Variants in ARHGEF28 observed in about 807,000 individuals in gnomAD.
ARHGEF28 encodes the protein Rho guanine nucleotide exchange factor 28.
A neutral mutation model predicts 206.6 loss-of-function variants in ARHGEF28; 152 were observed. The observed-to-expected ratio is 0.74, with a 90% CI of 0.64 to 0.84. ARHGEF28 has a LOEUF of 0.84. ARHGEF28 is among the 40% of genes least tolerant of loss of function. The pLI is 0.00. For missense variants in ARHGEF28, 2,028 were observed against 2,073.2 expected, an observed-to-expected ratio of 0.98 and a Z score of 0.42; for synonymous variants, 763 against 776.4, an observed-to-expected ratio of 0.98 and a Z score of 0.29.
intron 16 of ARHGEF28, among the ~76,000 whole-genome samples, chr5:73,863,682 A>G (rs1011527200): frequency 2.0e-5 from 3 of 149,320 alleles, no homozygotes; most frequent in East Asian, 2.0e-4. Flanking sequence ...TTTCTTTCCT[A>G]TTTCTGGATC....
intron 30 of ARHGEF28, chr5:73,900,852 T>G: frequency 5.3e-6 from 1 of 189,592 alleles, no homozygotes; most frequent in Admixed American, 5.6e-5. Flanking sequence ...CCAGGAGGCA[T>G]TTTCCTATTA....
chr5:73,752,788 C>T (rs909134161), intron 3 of ARHGEF28, 121 bp from the exon 4 acceptor site: 3 of 1,162,672 alleles, frequency 2.6e-6, no homozygotes, highest in Non-Finnish European at 3.6e-6. Context: ...GCTTTCCTTT[C>T]TGCTTTGTTC....
At chr5:73,723,583 G>T (rs1370262515) in intron 2 of ARHGEF28, among the ~76,000 whole-genome samples, 3 of 152,192 alleles carry the variant, frequency 2.0e-5, no homozygotes, top group African/African-American at 7.2e-5. Flanking sequence ...ACAAAGATCA[G>T]TTAAGGTTTA....
chr5:73,701,761 A>G (rs2112287489), intron 2 of ARHGEF28, among the ~76,000 whole-genome samples: 1 of 152,302 alleles, frequency 6.6e-6, no homozygotes, highest in Non-Finnish European at 1.5e-5. Flanking sequence ...AATGCCCTTA[A>G]GAAACAACCA....
At chr5:73,896,746 C>T (rs1002160522) in intron 29 of ARHGEF28, among the ~76,000 whole-genome samples, 14 of 152,208 alleles carry the variant, frequency 9.2e-5, no homozygotes, top group African/African-American at 2.4e-4. Flanking sequence ...TGAAATAAAT[C>T]GCCCACTCTC....
chr5:73,905,065 T>A (rs549539474), intron 33 of ARHGEF28: 1 of 152,462 alleles, frequency 6.6e-6, no homozygotes, highest in South Asian at 2.1e-4. Context: ...TGCAGAGTGT[T>A]ACCTGTCTGG....
At chr5:73,759,311 C>T (rs1056276254) in intron 4 of ARHGEF28, among the ~76,000 whole-genome samples, 3 of 152,142 alleles carry the variant, frequency 2.0e-5, no homozygotes, top group East Asian at 3.8e-4. Flanking sequence ...AAGTACAAGT[C>T]ACAGCATAAT....
chr5:73,887,934 T>C (rs1468024601), intron 26 of ARHGEF28, among the ~76,000 whole-genome samples: 1 of 152,222 alleles, frequency 6.6e-6, no homozygotes, highest in East Asian at 1.9e-4. Flanking sequence ...GTGAGAATAT[T>C]GCAGTCCTTC....
chr5:73,681,545 T>C (rs1248524310), intron 1 of ARHGEF28, among the ~76,000 whole-genome samples: 2 of 152,196 alleles, frequency 1.3e-5, no homozygotes, highest in African/African-American at 2.4e-5. Context: ...CTGGGCATGG[T>C]GGCTCACACC....
intron 4 of ARHGEF28, among the ~76,000 whole-genome samples, chr5:73,755,329 A>C (rs147050187): frequency 2.0e-5 from 3 of 151,828 alleles, no homozygotes; most frequent in African/African-American, 7.3e-5. Context: ...GGGGGTGTGG[A>C]TCCATTTTGA....
At chr5:73,845,162 T>C (rs1003828089) in intron 11 of ARHGEF28, among the ~76,000 whole-genome samples, 8 of 151,772 alleles carry the variant, frequency 5.3e-5, no homozygotes, top group Non-Finnish European at 1.0e-4. Flanking sequence ...GGATTACAGG[T>C]GCCTGCCACA....
chr5:73,936,399 T>A (rs1372426880), intron 35 of ARHGEF28, among the ~76,000 whole-genome samples: 1 of 152,210 alleles, frequency 6.6e-6, no homozygotes, highest in Non-Finnish European at 1.5e-5. Flanking sequence ...AAAAACATGA[T>A]TTTGAAATGC....
Position 73,846,410 on chromosome 5 carries a change from A to G in ARHGEF28, c.1570A>G (p.Thr524Ala), listed in dbSNP as rs1416054060. 1.9e-6 allele frequency: 3 copies of G among 1,613,936 alleles called. No individual in the cohort carries two copies. Among genetic ancestry groups the G allele is most frequent in the Non-Finnish European group, 2.5e-6 (3 of 1,179,840 alleles). ...GDELDSFETN[T>A]EPDFNISRAE... ...TGAATTGGACTCTTTTGAGACTAAC[A>G]CTGAACCGGATTTTAATATCTCCAG... Residue 524 changes from threonine to alanine, a missense_variant, in exon 12 of 36, where the codon ACT (threonine) becomes GCT (alanine). Around this residue, in one of 3 missense-constraint regions of ARHGEF28, gnomAD observed 1,002 missense variants for 1,015.3 expected, o/e 0.99. Coordinates refer to ENST00000513042, the MANE Select transcript of ARHGEF28 (RefSeq NM_001177693.2).
chr5:73,637,023 A>G (rs756889408), intron 1 of ARHGEF28, among the ~76,000 whole-genome samples: 1 of 152,192 alleles, frequency 6.6e-6, no homozygotes, highest in Non-Finnish European at 1.5e-5. Flanking sequence ...TTACCCTGTC[A>G]TGGCAGCTCA....
chr5:73,937,351 T>C (rs1764479927), intron 35 of ARHGEF28, among the ~76,000 whole-genome samples: 1 of 152,236 alleles, frequency 6.6e-6, no homozygotes, highest in African/African-American at 2.4e-5. Context: ...CTCAGTAATG[T>C]AGCAGAAAAA....
intron 2 of ARHGEF28, among the ~76,000 whole-genome samples, chr5:73,720,830 C>T (rs1348773250): frequency 2.6e-5 from 4 of 152,140 alleles, no homozygotes; most frequent in South Asian, 2.1e-4. Context: ...ACCTAAAGTG[C>T]CAGCTCTGAG....
At chr5:73,809,861 T>C (rs1199786595) in intron 9 of ARHGEF28, among the ~76,000 whole-genome samples, 2 of 152,224 alleles carry the variant, frequency 1.3e-5, no homozygotes, top group Admixed American at 6.5e-5. Flanking sequence ...AATGGTTGTA[T>C]GATATATGGT....
chr5:73,870,514 C>T (rs905175769), intron 21 of ARHGEF28, among the ~76,000 whole-genome samples: 5 of 152,174 alleles, frequency 3.3e-5, no homozygotes, highest in African/African-American at 1.2e-4. Context: ...AATGTTATTT[C>T]CCATATTCCT....
chr5:73,678,729 T>G (rs533905010), intron 1 of ARHGEF28, among the ~76,000 whole-genome samples: 1 of 151,992 alleles, frequency 6.6e-6, no homozygotes, highest in African/African-American at 2.4e-5. Context: ...AAAATACTTA[T>G]AGCTTGACAA....
Sources: gnomAD v4.1 joint callset for allele counts (sites outside exome capture counted in the v4.1 genomes callset) on GRCh38, gnomAD v4.1.1 for gene constraint, gnomAD v4.1.1 regional missense constraint, MANE v1.5 for transcripts, NCBI Gene and HGNC (gene_info 2026-07-23, HGNC 2026-07-21) for gene names.